The following METTL15 variants were observed in gnomAD, a reference collection of about 807,000 sequenced individuals.
The protein encoded by METTL15 is methyltransferase 15, mitochondrial 12S rRNA N4-cytidine.
A neutral mutation model predicts 38.3 loss-of-function variants in METTL15; 34 were observed. The ratio of observed to expected loss-of-function variants is 0.89; its 90% CI spans 0.68 to 1.18. METTL15 has a LOEUF of 1.18. Among genes scored for constraint, METTL15 ranks in the 50% most tolerant of loss-of-function variants. The pLI, the probability that METTL15 is intolerant of heterozygous loss-of-function variation, is 0.00. For synonymous variants in METTL15, 162 were observed against 170.9 expected (o/e 0.95, Z 0.41); for missense variants, 438 against 498.4 (o/e 0.88, Z 1.15).
At chr11:28,420,423 T>G (rs568402616) in intron 5 of METTL15, among the ~76,000 whole-genome samples, 1 of 152,284 alleles carries the variant, frequency 6.6e-6, no homozygotes, top group African/African-American at 2.4e-5. Flanking sequence ...TACACATTCT[T>G]TCCCTTAACA....
intron 6 of METTL15, among the ~76,000 whole-genome samples, chr11:28,500,781 C>T (rs898424056): frequency 6.6e-6 from 1 of 152,152 alleles, no homozygotes; most frequent in African/African-American, 2.4e-5. Context: ...CCTTGGCCCC[C>T]CAAAGTGTTG....
chr11:28,384,786 C>T (rs1028269858), intron 5 of METTL15, among the ~76,000 whole-genome samples: 4 of 152,128 alleles, frequency 2.6e-5, no homozygotes, highest in Non-Finnish European at 5.9e-5. Flanking sequence ...CTTTTTCTTC[C>T]TAACCTTGCC....
At chr11:28,214,198 C>CT (rs1325562903) in intron 4 of METTL15, among the ~76,000 whole-genome samples, 4 of 151,832 alleles carry the variant, frequency 2.6e-5, no homozygotes, top group Non-Finnish European at 1.5e-5. Flanking sequence ...ATGCACCTGT[C>CT]TAATTTTTTA....
At chr11:28,370,931 CCTT>C (rs1850237398) in intron 5 of METTL15, among the ~76,000 whole-genome samples, 1 of 151,928 alleles carries the variant, frequency 6.6e-6, no homozygotes, top group South Asian at 2.1e-4. Flanking sequence ...TGTTTGAGCT[CCTT>C]ATGTATTCTG....
chr11:28,393,810 C>G (rs979059480), intron 5 of METTL15, among the ~76,000 whole-genome samples: 1 of 152,044 alleles, frequency 6.6e-6, no homozygotes, highest in African/African-American at 2.4e-5. Context: ...ATGTGAACAC[C>G]AGAAGATGAA....
At chr11:28,492,741 A>G (rs1394461198) in intron 6 of METTL15, among the ~76,000 whole-genome samples, 1 of 152,188 alleles carries the variant, frequency 6.6e-6, no homozygotes, top group African/African-American at 2.4e-5. Flanking sequence ...GCAGAAAAAT[A>G]TAACAAAATG....
chr11:28,495,698 C>G (rs969942263), intron 6 of METTL15, among the ~76,000 whole-genome samples: 1 of 151,998 alleles, frequency 6.6e-6, no homozygotes, highest in African/African-American at 2.4e-5. Flanking sequence ...ATAGTCTTTC[C>G]TAATAACATT....
intron 5 of METTL15, among the ~76,000 whole-genome samples, chr11:28,376,696 G>T (rs556570921): frequency 6.6e-6 from 1 of 151,428 alleles, no homozygotes; most frequent in Admixed American, 6.6e-5. Flanking sequence ...ATTTGATCCT[G>T]TCATTATGAT....
chr11:28,287,769 A>G (rs1856341289), intron 4 of METTL15: 1 of 152,576 alleles, frequency 6.6e-6, no homozygotes, highest in African/African-American at 2.4e-5. Flanking sequence ...AACCCTTTTT[A>G]TCAAGGGGAT....
At chr11:28,268,769 A>G (rs1381879534) in intron 4 of METTL15, among the ~76,000 whole-genome samples, 1 of 152,200 alleles carries the variant, frequency 6.6e-6, no homozygotes, top group African/African-American at 2.4e-5. Context: ...TTATTGTCCC[A>G]TGTCCCTGAT....
At chr11:28,127,415 A>C (rs1303732834) in intron 3 of METTL15, among the ~76,000 whole-genome samples, 1 of 149,876 alleles carries the variant, frequency 6.7e-6, no homozygotes, top group East Asian at 2.2e-4. Flanking sequence ...GTCTGAGATC[A>C]AGGTGCCCAC....
chr11:28,132,819 C>G (rs1226272676), intron 3 of METTL15, among the ~76,000 whole-genome samples: 1 of 152,004 alleles, frequency 6.6e-6, no homozygotes, highest in Non-Finnish European at 1.5e-5. Context: ...TTCTATTTTC[C>G]CCACTGCATT....
At position 28,170,611 on chromosome 11, in the gene METTL15, A is replaced by AT. The variant is rs529249984; in HGVS notation, c.271-40449dup. On this transcript the variant is annotated intron_variant, in intron 3 of 6. Coordinates refer to ENST00000407364, the MANE Select transcript of METTL15 (RefSeq NM_001113528.2). ...GAGTTTTCTGGGAAAGAGGTGGGCA[A>AT]TTCCCAGAGCTGAGGGTTCATCTCC... Among the ~76,000 whole-genome samples the AT allele has an allele frequency of 1.1e-4, 16 of 152,220 alleles. No homozygotes were observed. The South Asian group carries it at 3.3e-3, about 32-fold the overall frequency.
intron 3 of METTL15, among the ~76,000 whole-genome samples, chr11:28,124,601 G>C (rs1302364689): frequency 6.6e-6 from 1 of 152,018 alleles, no homozygotes; most frequent in Non-Finnish European, 1.5e-5. Flanking sequence ...GAGAAACTGT[G>C]GTGTTGAGGG....
At chr11:28,150,877 C>G (rs1414220947) in intron 3 of METTL15, among the ~76,000 whole-genome samples, 1 of 151,556 alleles carries the variant, frequency 6.6e-6, no homozygotes, top group African/African-American at 2.4e-5. Flanking sequence ...CTGAAATACT[C>G]CCACACCATG....
At chr11:28,491,282 A>G (rs1851492378) in intron 6 of METTL15, among the ~76,000 whole-genome samples, 1 of 152,166 alleles carries the variant, frequency 6.6e-6, no homozygotes, top group Non-Finnish European at 1.5e-5. Context: ...TTGCTGAATT[A>G]AATATTTAAT....
intron 4 of METTL15, among the ~76,000 whole-genome samples, chr11:28,216,477 A>G (rs1852875931): frequency 6.6e-6 from 1 of 152,158 alleles, no homozygotes; most frequent in Non-Finnish European, 1.5e-5. Context: ...TAACTTCTAG[A>G]TGGTGTGAAA....
At chr11:28,334,646 C>G (rs993672078), downstream of METTL15, among the ~76,000 whole-genome samples, 2 of 152,028 alleles carry the variant, frequency 1.3e-5, no homozygotes, top group Admixed American at 1.3e-4. Context: ...GGTTGTATAA[C>G]AAACACAGCT....
intron 6 of METTL15, among the ~76,000 whole-genome samples, chr11:28,458,244 A>T (rs1427267527): frequency 6.6e-6 from 1 of 152,238 alleles, no homozygotes; most frequent in East Asian, 1.9e-4. Context: ...GATTTAGTAC[A>T]GATTGCAGAA....
Sources: gnomAD v4.1 joint callset for allele counts (sites outside exome capture counted in the v4.1 genomes callset) on GRCh38, gnomAD v4.1.1 for gene constraint, MANE v1.5 for transcripts, NCBI Gene and HGNC (gene_info 2026-07-23, HGNC 2026-07-21) for gene names.